The following RBMS3 variants were observed in gnomAD, a reference collection of about 807,000 sequenced individuals.
RBMS3 encodes the protein RNA binding motif single stranded interacting protein 3, also known as RNA-binding motif, single-stranded-interacting protein 3.
Under a neutral mutation model 66.8 loss-of-function variants are expected in RBMS3, and 27 were observed. The ratio of observed to expected loss-of-function variants is 0.40; its 90% CI spans 0.30 to 0.56. The LOEUF is 0.56. Ranked by LOEUF, RBMS3 falls within the 20% of genes least tolerant of loss-of-function variation. RBMS3 has a pLI of 0.40. For synonymous variants in RBMS3, 188 were observed against 183.0 expected (o/e 1.03, Z -0.22); for missense variants, 513 against 549.5 (o/e 0.93, Z 0.66).
intron 3 of RBMS3, among the ~76,000 whole-genome samples, chr3:29,561,368 A>C (rs79799664): frequency 0.19 from 29,145 of 152,112 alleles, 3,009 homozygotes; most frequent in Admixed American, 0.26. Flanking sequence ...GAACTAATTT[A>C]CACTCCCACC....
At chr3:29,833,640 AAAG>A (rs1382360981) in intron 6 of RBMS3, among the ~76,000 whole-genome samples, 4 of 152,144 alleles carry the variant, frequency 2.6e-5, no homozygotes, top group African/African-American at 9.6e-5. Flanking sequence ...CAGAGATAAA[AAAG>A]AAAAAAACAG....
chr3:29,588,725 G>A (rs2047620679), intron 4 of RBMS3, among the ~76,000 whole-genome samples: 1 of 152,042 alleles, frequency 6.6e-6, no homozygotes, highest in Non-Finnish European at 1.5e-5. Flanking sequence ...GATTGATGAA[G>A]TTAGCATTTT....
At chr3:29,947,430 A>G (rs1033256711) in intron 12 of RBMS3, among the ~76,000 whole-genome samples, 5 of 151,650 alleles carry the variant, frequency 3.3e-5, no homozygotes, top group Non-Finnish European at 5.9e-5. Flanking sequence ...TGTCTTAAAA[A>G]TAATAATAAT....
intron 6 of RBMS3, among the ~76,000 whole-genome samples, chr3:29,840,229 T>G (rs1021854439): frequency 6.6e-6 from 1 of 152,076 alleles, no homozygotes; most frequent in Non-Finnish European, 1.5e-5. Flanking sequence ...AAAAACTTTT[T>G]GTTTATGTTG....
intron 1 of RBMS3, among the ~76,000 whole-genome samples, chr3:29,296,424 G>T (rs1003128243): frequency 6.6e-6 from 1 of 151,680 alleles, no homozygotes; most frequent in Admixed American, 6.6e-5. Flanking sequence ...CTTGTTTGGC[G>T]CTGCTTAATC....
intron 6 of RBMS3, among the ~76,000 whole-genome samples, chr3:29,800,968 G>A (rs1035182019): frequency 2.7e-5 from 4 of 150,868 alleles, no homozygotes; most frequent in Non-Finnish European, 5.9e-5. Context: ...CCCTCACAAG[G>A]ACATGAGCTC....
At chr3:29,847,235 T>A (rs182144568) in intron 6 of RBMS3, among the ~76,000 whole-genome samples, 1 of 152,314 alleles carries the variant, frequency 6.6e-6, no homozygotes, top group East Asian at 1.9e-4. Context: ...TCTTTTCTGA[T>A]CTAAGACATA....
chr3:29,547,807 ATTTTTT>A (rs3043400), intron 3 of RBMS3, among the ~76,000 whole-genome samples: 3 of 93,294 alleles, frequency 3.2e-5, no homozygotes, highest in East Asian at 6.5e-4. Flanking sequence ...TTGTGGATTG[ATTTTTT>A]TTTTTTTTTT....
At chr3:29,567,786 G>T (rs141609934) in intron 3 of RBMS3, among the ~76,000 whole-genome samples, 2 of 152,102 alleles carry the variant, frequency 1.3e-5, no homozygotes, top group Non-Finnish European at 1.5e-5. Context: ...CGATTACCTA[G>T]AATATTAGCT....
intron 4 of RBMS3, among the ~76,000 whole-genome samples, chr3:29,707,350 C>A (rs905196452): frequency 6.6e-6 from 1 of 152,142 alleles, no homozygotes; most frequent in African/African-American, 2.4e-5. Flanking sequence ...GGTTAATAAA[C>A]ACATTCATCG....
intron 1 of RBMS3, among the ~76,000 whole-genome samples, chr3:29,336,489 C>T (rs919307288): frequency 3.9e-5 from 6 of 152,030 alleles, no homozygotes; most frequent in South Asian, 2.1e-4. Context: ...ACCTGTGAGA[C>T]GGTGTTTGTG....
chr3:29,463,876 G>A (rs2042453313), intron 2 of RBMS3, among the ~76,000 whole-genome samples: 1 of 152,078 alleles, frequency 6.6e-6, no homozygotes. Context: ...AAAATAGAGT[G>A]TTATCCTGTT....
intron 1 of RBMS3, among the ~76,000 whole-genome samples, chr3:29,282,504 TA>T (rs1175480046): frequency 3.9e-5 from 6 of 152,072 alleles, no homozygotes; most frequent in Non-Finnish European, 5.9e-5. Flanking sequence ...AAATGACCAT[TA>T]GGGGCCCAGA....
At chr3:29,619,425 A>T (rs2048789936) in intron 4 of RBMS3, among the ~76,000 whole-genome samples, 1 of 152,192 alleles carries the variant, frequency 6.6e-6, no homozygotes, top group African/African-American at 2.4e-5. Flanking sequence ...TGATAGTGTA[A>T]GCTTCTTTAT....
At chr3:29,588,978 C>T (rs1390190504) in intron 4 of RBMS3, among the ~76,000 whole-genome samples, 3 of 152,018 alleles carry the variant, frequency 2.0e-5, no homozygotes, top group African/African-American at 7.2e-5. Flanking sequence ...TTGGTAAACT[C>T]CCAAATCTGG....
rs576186563 is a variant in RBMS3, at chr3:30,006,173, G to A, written c.*2311G>A. The A allele has an allele frequency of 6.6e-6, 1 of 151,950 alleles. No homozygotes were observed. The highest frequency in any genetic ancestry group is 2.1e-4 in the South Asian group (1 of 4,822). The allele number at this position is 151,950 out of a possible 1,614,324, so 9.4% of individuals were successfully genotyped here. A position where few individuals can be genotyped will look rare whatever the true frequency, so the allele number is the denominator to read the frequency against. ...CCTGTCTTAGTCCAAAAGAAGCAGG[G>A]AAATGTATTTAAGTGTACTATAAAA... On this transcript the variant is annotated 3_prime_UTR_variant, in exon 15 of 15. Coordinates refer to ENST00000383767, the MANE Select transcript of RBMS3 (RefSeq NM_001003793.3).
intron 13 of RBMS3, among the ~76,000 whole-genome samples, chr3:29,989,346 CT>C: frequency 6.6e-6 from 1 of 152,144 alleles, no homozygotes; most frequent in African/African-American, 2.4e-5. Context: ...CTATATTCTT[CT>C]TTCTGGTTCT....
At chr3:29,531,143 G>A (rs35913) in intron 3 of RBMS3, among the ~76,000 whole-genome samples, 5,999 of 152,284 alleles carry the variant, frequency 0.039, 182 homozygotes, top group Middle Eastern at 0.17. Flanking sequence ...TGGAAACTTC[G>A]TATTTTGTTA....
intron 4 of RBMS3, chr3:29,698,353 G>C (rs2052375312): frequency 2.0e-6 from 2 of 985,270 alleles, no homozygotes; most frequent in African/African-American, 3.5e-5. Context: ...AACCGGAGCA[G>C]TTTGTGTCTG....
Sources: gnomAD v4.1 joint callset for allele counts (sites outside exome capture counted in the v4.1 genomes callset) on GRCh38, gnomAD v4.1.1 for gene constraint, MANE v1.5 for transcripts, NCBI Gene and HGNC (gene_info 2026-07-23, HGNC 2026-07-21) for gene names.